The following TENM1 variants were observed in gnomAD, a reference collection of about 807,000 sequenced individuals.
TENM1 encodes the protein teneurin transmembrane protein 1.
TENM1 carries 35 observed loss-of-function variants against 174.8 expected under a neutral mutation model. The ratio of observed to expected loss-of-function variants is 0.20; its 90% CI spans 0.15 to 0.27. The LOEUF (loss-of-function observed/expected upper bound fraction) is 0.27. Ranked by LOEUF, TENM1 falls within the 10% of genes least tolerant of loss-of-function variation. The pLI is 1.00. For missense variants in TENM1, 1,633 were observed against 2,130.1 expected, an observed-to-expected ratio of 0.77 and a Z score of 4.59; for synonymous variants, 781 against 798.7, an observed-to-expected ratio of 0.98 and a Z score of 0.37.
rs184020721 is a variant in TENM1 at position 124,413,049 on chromosome X, T to C, written c.4983-6560A>G. Among the ~76,000 whole-genome samples, 3 of 111,981 alleles carry C rather than the reference T, an allele frequency of 2.7e-5. No homozygotes were observed. The East Asian group carries it at 8.4e-4, about 31-fold the overall frequency. On this transcript the variant is annotated intron_variant, in intron 25 of 31. Transcript: ENST00000422452. ...ATGTCTACTGGGGGACCAGCATTGC[T>C]GGAGCACAGGGTTCCTCTAGGAGGG...
chrX:124,430,885 T>G (rs2060772157), intron 23 of TENM1, among the ~76,000 whole-genome samples: 1 of 112,192 alleles, frequency 8.9e-6, no homozygotes, highest in Non-Finnish European at 1.9e-5. Flanking sequence ...GTAATAGTAC[T>G]CTTGGTACAA....
chrX:124,423,430 T>C (rs758802810), intron 23 of TENM1, among the ~76,000 whole-genome samples: 1 of 111,613 alleles, frequency 9.0e-6, no homozygotes, highest in Non-Finnish European at 1.9e-5. Context: ...GGCTCAAAAA[T>C]GACTACGACA....
intron 3 of TENM1, among the ~76,000 whole-genome samples, chrX:124,830,270 G>A (rs1173271537): frequency 4.5e-5 from 5 of 111,805 alleles, no homozygotes; most frequent in African/African-American, 1.6e-4. Flanking sequence ...GGTTGAAGGA[G>A]TTCATGAAGA....
At chrX:124,465,287 C>T (rs1039386823) in intron 22 of TENM1, among the ~76,000 whole-genome samples, 4 of 111,905 alleles carry the variant, frequency 3.6e-5, no homozygotes, top group African/African-American at 1.3e-4. Flanking sequence ...GTTGCTCTGT[C>T]GCCCAGGCTG....
chrX:124,818,253 T>A (rs2055950857), intron 3 of TENM1, among the ~76,000 whole-genome samples: 1 of 111,514 alleles, frequency 9.0e-6, no homozygotes, highest in Non-Finnish European at 1.9e-5. Flanking sequence ...CATCAGTTTG[T>A]CAAACTGTTT....
At chrX:124,972,408 T>C in the TENM1 span, among the ~76,000 whole-genome samples, 1 of 111,958 alleles carries the variant, frequency 8.9e-6, no homozygotes, top group East Asian at 2.8e-4. Context: ...CATAAACAAG[T>C]TGCTTTAGAA....
At chrX:124,938,497 AG>A (rs2058278337) in intron 1 of TENM1, among the ~76,000 whole-genome samples, 1 of 112,166 alleles carries the variant, frequency 8.9e-6, no homozygotes, top group African/African-American at 3.2e-5. Flanking sequence ...CTGCAATTTT[AG>A]GTTTCACAAT....
At chrX:125,090,277 G>T in the TENM1 span, among the ~76,000 whole-genome samples, 1 of 111,639 alleles carries the variant, frequency 9.0e-6, no homozygotes, top group Non-Finnish European at 1.9e-5. Context: ...ACTAAGGCAT[G>T]ATGTTCACCA....
At chrX:124,870,059 G>A (rs750967731) in intron 3 of TENM1, among the ~76,000 whole-genome samples, 1 of 111,227 alleles carries the variant, frequency 9.0e-6, no homozygotes. Flanking sequence ...TTCACATTGC[G>A]TGCCTGTATC....
At chrX:124,487,525 T>G (rs369256909) in intron 20 of TENM1, among the ~76,000 whole-genome samples, 8 of 112,352 alleles carry the variant, frequency 7.1e-5, no homozygotes, top group African/African-American at 2.6e-4. Context: ...CAGAATCACT[T>G]GGATTCTTGC....
intron 28 of TENM1, among the ~76,000 whole-genome samples, chrX:124,390,512 T>C (rs757862224): frequency 1.4e-4 from 16 of 111,911 alleles, no homozygotes; most frequent in Non-Finnish European, 2.1e-4. Flanking sequence ...ATTAGCTCAG[T>C]TGGTCGGACT....
chrX:124,963,724 C>T, exon 1 of TENM1: 1 of 1,211,167 alleles, frequency 8.3e-7, no homozygotes, highest in East Asian at 3.0e-5. Flanking sequence ...TTGGTAGAGG[C>T]TGGTAGGGTT....
rs370293791 is a variant in TENM1 at position 124,527,952 on chromosome X, G to A, written c.2771+1912C>T. Among the ~76,000 whole-genome samples, 35 of 106,389 alleles carry A rather than the reference G, an allele frequency of 3.3e-4. No individual in the cohort carries two copies. The East Asian group carries it at 8.9e-3, about 27-fold the overall frequency. 92.4% of individuals were successfully genotyped at this position (106,389 alleles called of 115,157 possible). ...ATTACAGGCTTGAGCCACCGTGCCC[G>A]GCCGACCTCAGGTATATTTTTCTTA... On this transcript the variant is annotated intron_variant, in intron 16 of 31. Transcript: ENST00000422452.
chrX:124,494,950 G>T (rs1412658724), intron 20 of TENM1, among the ~76,000 whole-genome samples: 1 of 93,632 alleles, frequency 1.1e-5, no homozygotes, highest in Non-Finnish European at 2.1e-5. Flanking sequence ...CTTTGCTATC[G>T]TGAATAATGC....
At chrX:124,695,171 T>C (rs1456087181) in intron 5 of TENM1, among the ~76,000 whole-genome samples, 3 of 111,071 alleles carry the variant, frequency 2.7e-5, no homozygotes, top group Non-Finnish European at 5.7e-5. Flanking sequence ...GGGTATTCGA[T>C]GGACTGGAGC....
In TENM1 at chrX:124,704,620, G is replaced by A. The variant is rs1337403419; in HGVS notation, c.1015+393C>T. On this transcript the variant is annotated intron_variant, in intron 5 of 31. Transcript: ENST00000422452. ...TTTTCTGATAGCTTCCAAATAACTGGGGCTTTAATGAAATTGCTACCTGAA... is the reference window on the plus strand; with the variant it reads ...TTTTCTGATAGCTTCCAAATAACTGAGGCTTTAATGAAATTGCTACCTGAA... Among the ~76,000 whole-genome samples, 9 of 111,311 alleles carry A rather than the reference G, an allele frequency of 8.1e-5. No homozygotes were observed. The South Asian group carries it at 2.7e-3, about 33-fold the overall frequency.
chrX:124,806,300 A>C (rs1193157715), intron 3 of TENM1, among the ~76,000 whole-genome samples: 1 of 112,033 alleles, frequency 8.9e-6, no homozygotes, highest in Non-Finnish European at 1.9e-5. Flanking sequence ...AGGAATGAAG[A>C]ATGTCAATGG....
chrX:124,819,676 C>A (rs1423716342), intron 3 of TENM1, among the ~76,000 whole-genome samples: 1 of 111,464 alleles, frequency 9.0e-6, no homozygotes, highest in Admixed American at 9.5e-5. Context: ...TTAGCTACTG[C>A]TAATCTTAGC....
intron 4 of TENM1, among the ~76,000 whole-genome samples, chrX:124,733,280 T>C (rs1391756941): frequency 8.9e-6 from 1 of 112,408 alleles, no homozygotes; most frequent in Non-Finnish European, 1.9e-5. Context: ...TAAGAAGGGA[T>C]AGATTTTGGT....
Sources: allele counts gnomAD v4.1 joint callset (sites outside exome capture counted in the v4.1 genomes callset), GRCh38; gene constraint gnomAD v4.1.1; transcripts MANE v1.5; gene names NCBI Gene and HGNC (gene_info 2026-07-23, HGNC 2026-07-21).